GABBR2: variants seen among roughly 807,000 people sequenced by gnomAD.
GABBR2 encodes gamma-aminobutyric acid type B receptor subunit 2, also known as G-protein coupled receptor 51.
A neutral mutation model predicts 105.6 loss-of-function variants in GABBR2; 23 were observed. The ratio of observed to expected loss-of-function variants is 0.22; its 90% confidence interval spans 0.16 to 0.31. The LOEUF is 0.31. Ranked by LOEUF, GABBR2 falls within the 10% of genes least tolerant of loss-of-function variation. GABBR2 has a pLI of 1.00. For synonymous variants in GABBR2, 478 were observed against 499.7 expected, an observed-to-expected ratio of 0.96 and a Z score of 0.58; for missense variants, 734 against 1,245.5, an observed-to-expected ratio of 0.59 and a Z score of 6.18.
intron 16 of GABBR2, among the ~76,000 whole-genome samples, chr9:98,302,142 T>C (rs1830479144): frequency 6.6e-6 from 1 of 152,234 alleles, no homozygotes; most frequent in South Asian, 2.1e-4. Flanking sequence ...TATGTCTCAC[T>C]TCTTCCTTGC....
At chr9:98,353,881 C>T (rs960358166) in intron 13 of GABBR2, among the ~76,000 whole-genome samples, 5 of 152,172 alleles carry the variant, frequency 3.3e-5, no homozygotes, top group African/African-American at 9.7e-5. Context: ...ATTTTATAAG[C>T]GTCTGGCATT....
At chr9:98,484,468 C>T (rs1187299599) in intron 4 of GABBR2, among the ~76,000 whole-genome samples, 6 of 152,114 alleles carry the variant, frequency 3.9e-5, no homozygotes, top group African/African-American at 7.2e-5. Flanking sequence ...TGAACACATA[C>T]TCTGCTTCTA....
At chr9:98,608,197 T>C (rs1016172858) in intron 1 of GABBR2, 52 of 953,348 alleles carry the variant, frequency 5.5e-5, no homozygotes, top group Non-Finnish European at 7.9e-5. Context: ...TCAGTGTTTG[T>C]TGGATCCGTT....
intron 9 of GABBR2, among the ~76,000 whole-genome samples, chr9:98,392,283 G>A (rs923106814): frequency 6.6e-6 from 1 of 152,190 alleles, no homozygotes; most frequent in African/African-American, 2.4e-5. Context: ...TGTATTTTGT[G>A]TCTTTTATTT....
rs1259401328 is a variant in GABBR2 at position 98,411,283 on chromosome 9, A to G, written c.1237-5142T>C. On this transcript the variant is annotated intron_variant, in intron 7 of 18. Transcript: ENST00000259455. ...TTTCTCCTTCAGCGAAATCTTCAGAATGTATAGGGTAACTTACGGATAAAA... is the reference window on the plus strand; with the variant it reads ...TTTCTCCTTCAGCGAAATCTTCAGAGTGTATAGGGTAACTTACGGATAAAA... 2.0e-5 allele frequency among the ~76,000 whole-genome samples: 3 copies of G among 152,250 alleles called. 1 individual carries two copies.
At chr9:98,380,708 G>T (rs73655418) in intron 11 of GABBR2, among the ~76,000 whole-genome samples, 7,514 of 152,298 alleles carry the variant, frequency 0.049, 648 homozygotes, top group African/African-American at 0.17. Flanking sequence ...TCTGGAAAGG[G>T]TCAGAGGGAG....
In GABBR2 at chr9:98,662,735, C is replaced by A. The variant is rs143547617; in HGVS notation, c.321+45682G>T. ...CCAGGCCTGCAGTACTGACCCACTC[C>A]TCCCTAACACAGGCTAGGGTGTCAC... is the stretch of plus-strand genomic sequence containing the variant. On this transcript the variant is annotated intron_variant, in intron 1 of 18. Coordinates refer to ENST00000259455, the MANE Select transcript of GABBR2 (RefSeq NM_005458.8). Among the ~76,000 whole-genome samples the A allele has an allele frequency of 1.3e-4, 20 of 152,316 alleles. No individual in the cohort carries two copies. In the East Asian group the frequency reaches 3.9e-3, roughly 29 times the overall value.
At chr9:98,702,880 G>A (rs1466194385) in intron 1 of GABBR2, among the ~76,000 whole-genome samples, 1 of 152,132 alleles carries the variant, frequency 6.6e-6, no homozygotes, top group South Asian at 2.1e-4. Context: ...CAGACCCACT[G>A]GCATACCAAC....
At chr9:98,625,701 G>A (rs12379166) in intron 1 of GABBR2, among the ~76,000 whole-genome samples, 103,338 of 152,038 alleles carry the variant, frequency 0.68, 35,988 homozygotes, top group Middle Eastern at 0.81. Flanking sequence ...GGTTCCCTCC[G>A]TCTTTAAGAC....
chr9:98,324,971 C>G (rs936992778), intron 13 of GABBR2, among the ~76,000 whole-genome samples: 1 of 152,152 alleles, frequency 6.6e-6, no homozygotes, highest in Non-Finnish European at 1.5e-5. Flanking sequence ...TATAAGTCTT[C>G]TGAGGTTACA....
chr9:98,525,984 T>A (rs1244365714), intron 3 of GABBR2, among the ~76,000 whole-genome samples: 2 of 152,190 alleles, frequency 1.3e-5, no homozygotes, highest in Non-Finnish European at 2.9e-5. Flanking sequence ...GAAAGTAGAT[T>A]AACAGCTGGG....
intron 6 of GABBR2, among the ~76,000 whole-genome samples, chr9:98,463,900 T>C (rs959760904): frequency 2.6e-5 from 4 of 152,188 alleles, no homozygotes; most frequent in African/African-American, 9.7e-5. Context: ...CCTCCCAAGG[T>C]GCTGGGATTG....
intron 11 of GABBR2, among the ~76,000 whole-genome samples, chr9:98,375,526 AG>A (rs1347513704): frequency 6.6e-6 from 1 of 152,232 alleles, no homozygotes; most frequent in Non-Finnish European, 1.5e-5. Flanking sequence ...GGAGACAATC[AG>A]ACTGGATGGG....
chr9:98,593,006 G>T (rs1289709036), intron 1 of GABBR2, among the ~76,000 whole-genome samples: 1 of 151,982 alleles, frequency 6.6e-6, no homozygotes, highest in Non-Finnish European at 1.5e-5. Context: ...TGAAGACAGG[G>T]TCTCACTCTG....
chr9:98,425,715 A>G (rs550870827), intron 7 of GABBR2, among the ~76,000 whole-genome samples: 6 of 152,306 alleles, frequency 3.9e-5, no homozygotes, highest in South Asian at 2.1e-4. Context: ...TTGAGTCACA[A>G]GGTCACAGCT....
At chr9:98,484,036 G>C (rs1224588509) in intron 4 of GABBR2, among the ~76,000 whole-genome samples, 2 of 152,130 alleles carry the variant, frequency 1.3e-5, no homozygotes, top group Non-Finnish European at 2.9e-5. Context: ...TGCTTATTTG[G>C]TCACTAGTAG....
chr9:98,616,631 G>A (rs576297380), intron 1 of GABBR2, among the ~76,000 whole-genome samples: 10 of 152,098 alleles, frequency 6.6e-5, no homozygotes, highest in East Asian at 1.9e-4. Flanking sequence ...GTGCATGCCC[G>A]TAATTCCTGC....
intron 3 of GABBR2, among the ~76,000 whole-genome samples, chr9:98,502,403 C>T (rs1564094917): frequency 6.6e-6 from 1 of 152,214 alleles, no homozygotes; most frequent in Non-Finnish European, 1.5e-5. Context: ...AAACACAGAA[C>T]AGCTGCCAGA....
chr9:98,560,262 AT>A (rs1465988730), intron 2 of GABBR2, among the ~76,000 whole-genome samples: 8 of 152,184 alleles, frequency 5.3e-5, no homozygotes, highest in Admixed American at 5.2e-4. Flanking sequence ...CTAGGAATAT[AT>A]TAAGTTTCTA....
Sources: gnomAD v4.1 joint callset for allele counts (sites outside exome capture counted in the v4.1 genomes callset) on GRCh38, gnomAD v4.1.1 for gene constraint, MANE v1.5 for transcripts, NCBI Gene and HGNC (gene_info 2026-07-23, HGNC 2026-07-21) for gene names.